Variants in TP53BP2 observed in about 807,000 individuals in gnomAD.
TP53BP2 encodes apoptosis-stimulating of p53 protein 2.
Under a neutral mutation model 126.2 loss-of-function variants are expected in TP53BP2, and 62 were observed. That is an observed-to-expected ratio of 0.49 (90% CI 0.40 to 0.61). The LOEUF is 0.61. Among genes scored for constraint, TP53BP2 ranks in the 20% least tolerant of loss-of-function variants. The probability of loss-of-function intolerance (pLI) is 0.00; values close to 1 mark genes in which losing one functional copy is unlikely to be tolerated. For synonymous variants in TP53BP2, 485 were observed against 502.9 expected (o/e 0.96, Z 0.48); for missense variants, 1,215 against 1,402.8 (o/e 0.87, Z 2.14).
chr1:223,802,312 G>A lies in TP53BP2; in HGVS notation c.1029C>T (p.Ala343=), dbSNP rs764662794. The A allele has an allele frequency of 7.4e-6, 12 of 1,614,016 alleles. No individual in the cohort carries two copies. The highest frequency in any genetic ancestry group is 2.2e-5 in the South Asian group (2 of 91,080). ...CAGCCACACGGCTTGGGGCTGACGCGGCTTGCTGGGGAAGATTTCCATCAG... is the reference window on the plus strand; with the variant it reads ...CAGCCACACGGCTTGGGGCTGACGCAGCTTGCTGGGGAAGATTTCCATCAG... ...VSSDGNLPQQ[A]ASAPSRVAAV... is the part of the protein sequence containing the mutation. Residue 343 remains alanine (A), a synonymous_variant, in exon 9 of 18, where the codon GCC becomes GCT. Transcript: ENST00000343537.
chr1:223,813,712 C>G (rs904435452), intron 3 of TP53BP2, among the ~76,000 whole-genome samples: 3 of 152,170 alleles, frequency 2.0e-5, no homozygotes, highest in African/African-American at 7.2e-5. Flanking sequence ...CTCATGGTCT[C>G]TAATCTCAAC....
chr1:223,780,532 C>T lies in TP53BP2; in HGVS notation c.*321G>A, dbSNP rs185615888. The T allele has an allele frequency of 2.1e-3, 496 of 239,028 alleles. No individual in the cohort carries two copies. The highest frequency in any genetic ancestry group is 3.3e-3 in the Non-Finnish European group (407 of 123,170). The allele number at this position is 239,028 out of a possible 1,614,324, so 14.8% of individuals were successfully genotyped here. A position where few individuals can be genotyped will look rare whatever the true frequency, so the allele number is the denominator to read the frequency against. ...ACAGGACAGAGAGCTGATTTCCCAA[C>T]TGCCCAATAAATGATCCTATTTACT... On this transcript the variant is annotated 3_prime_UTR_variant, in exon 18 of 18. Transcript: ENST00000343537.
intron 1 of TP53BP2, among the ~76,000 whole-genome samples, chr1:223,821,897 T>TC (rs569881110): frequency 9.2e-4 from 97 of 105,440 alleles, no homozygotes; most frequent in African/African-American, 5.5e-3. Context: ...AAATTGTACT[T>TC]TTTTTTTTTT....
At position 223,799,971 on chromosome 1, in the gene TP53BP2, C is replaced by T. The variant is rs376820653; in HGVS notation, c.1413G>A (p.Gln471=). The change falls in exon 11 of 18, where the codon CAG becomes CAA. Residue 471 remains glutamine, a synonymous_variant. Transcript: ENST00000343537. ...RPFSMFDAVD[Q]SNAPPSFGTL... ...TACCAAAGGAAGGTGGGGCATTGGA[C>T]TGGTCTACTGCATCAAACATTGAGA... 6 of 1,613,394 alleles carry T rather than the reference C, an allele frequency of 3.7e-6. No homozygotes were observed. Among genetic ancestry groups the T allele is most frequent in the Non-Finnish European group, 3.4e-6 (4 of 1,179,808 alleles).
chr1:223,833,201 C>A (rs139988555), intron 1 of TP53BP2, among the ~76,000 whole-genome samples: 2 of 152,326 alleles, frequency 1.3e-5, no homozygotes, highest in East Asian at 3.9e-4. Flanking sequence ...TGATATTAAA[C>A]CTACTTCTAC....
intron 1 of TP53BP2, among the ~76,000 whole-genome samples, chr1:223,838,528 C>T (rs1284473966): frequency 6.6e-6 from 1 of 152,236 alleles, no homozygotes; most frequent in Non-Finnish European, 1.5e-5. Context: ...GTCACTGCTG[C>T]ACCATTCGAG....
intron 4 of TP53BP2, 99 bp from the exon 5 acceptor site, chr1:223,807,046 A>C: frequency 2.7e-6 from 2 of 754,038 alleles, no homozygotes; most frequent in South Asian, 3.8e-5. Context: ...CATATGAACC[A>C]ACTATGACAA....
At chr1:223,801,580 A>T (rs1662527532) in intron 9 of TP53BP2, among the ~76,000 whole-genome samples, 1 of 152,194 alleles carries the variant, frequency 6.6e-6, no homozygotes, top group Non-Finnish European at 1.5e-5. Flanking sequence ...TGTATCTGAG[A>T]AGTACACAGA....
In TP53BP2 at chr1:223,799,889, T is replaced by C. The variant is rs1662470735; in HGVS notation, c.1485+10A>G. 6.4e-7 allele frequency: 1 copy of C among 1,566,604 alleles called. No homozygotes were observed. Among genetic ancestry groups the C allele is most frequent in the Non-Finnish European group, 8.6e-7 (1 of 1,163,752 alleles). On this transcript the variant is annotated intron_variant, in intron 11 of 17. Transcript: ENST00000343537. ...TATTAAATTTTAAAAACCAGGATAT[T>C]TGTAGGTACCTGAGCATCCCGCAAG...
intron 16 of TP53BP2, among the ~76,000 whole-genome samples, chr1:223,788,352 C>T (rs1662040719): frequency 6.6e-6 from 1 of 152,110 alleles, no homozygotes; most frequent in Non-Finnish European, 1.5e-5. Context: ...TCTTTAATTC[C>T]TCTCAAGCCC....
intron 2 of TP53BP2, chr1:223,818,173 G>A (rs1663158353): frequency 6.6e-6 from 1 of 152,498 alleles, no homozygotes; most frequent in Non-Finnish European, 1.5e-5. Context: ...GAATCGCTTA[G>A]GACAGAGACA....
At chr1:223,813,865 T>C (rs1456069382) in intron 3 of TP53BP2, among the ~76,000 whole-genome samples, 2 of 152,138 alleles carry the variant, frequency 1.3e-5, no homozygotes. Context: ...ATCCCTCAAC[T>C]TACTCCCACA....
At chr1:223,845,559 G>A in intron 1 of TP53BP2, 95 bp downstream of exon 1, 2 of 1,305,042 alleles carry the variant, frequency 1.5e-6, no homozygotes, top group Non-Finnish European at 2.0e-6. Flanking sequence ...CGGCCCCCAG[G>A]CTCCTTCCCC....
chr1:223,834,479 C>T (rs796298215), intron 1 of TP53BP2, among the ~76,000 whole-genome samples: 7 of 152,160 alleles, frequency 4.6e-5, no homozygotes, highest in African/African-American at 1.7e-4. Context: ...GTGTATTAAT[C>T]TATGTAGTAT....
chr1:223,829,812 C>T (rs528304290), intron 1 of TP53BP2, among the ~76,000 whole-genome samples: 1 of 151,628 alleles, frequency 6.6e-6, no homozygotes, highest in South Asian at 2.1e-4. Context: ...TGAAAAGGCT[C>T]GTGACATCTT....
At chr1:223,840,774 C>CCATGTGT (rs1453990290) in intron 1 of TP53BP2, among the ~76,000 whole-genome samples, 2 of 152,198 alleles carry the variant, frequency 1.3e-5, no homozygotes, top group African/African-American at 4.8e-5. Flanking sequence ...AAATGACCCT[C>CCATGTGT]CATGTGTCTT....
At chr1:223,830,688 T>C (rs1663666442) in intron 1 of TP53BP2, among the ~76,000 whole-genome samples, 1 of 152,184 alleles carries the variant, frequency 6.6e-6, no homozygotes, top group Non-Finnish European at 1.5e-5. Flanking sequence ...ATTAAAATCA[T>C]TTGCCAGAAG....
intron 17 of TP53BP2, among the ~76,000 whole-genome samples, chr1:223,782,204 C>T (rs1661799161): frequency 6.6e-6 from 1 of 152,104 alleles, no homozygotes; most frequent in Admixed American, 6.5e-5. Flanking sequence ...AGCCATTTTA[C>T]AAGTATACAT....
intron 1 of TP53BP2, among the ~76,000 whole-genome samples, chr1:223,831,579 T>C (rs1663732517): frequency 6.8e-6 from 1 of 147,014 alleles, no homozygotes; most frequent in Admixed American, 6.8e-5. Context: ...CTATCACTTT[T>C]AAATTTTTAA....
Sources: allele counts gnomAD v4.1 joint callset (sites outside exome capture counted in the v4.1 genomes callset), GRCh38; gene constraint gnomAD v4.1.1; transcripts MANE v1.5; gene names NCBI Gene and HGNC (gene_info 2026-07-23, HGNC 2026-07-21).